The following RABGAP1L variants were observed in gnomAD, a reference collection of about 807,000 sequenced individuals.
The protein encoded by RABGAP1L is RAB GTPase activating protein 1 like.
In RABGAP1L, 63 loss-of-function variants were observed where a neutral mutation model predicts 137.7. The observed-to-expected ratio is 0.46, with a 90% CI of 0.37 to 0.56. The LOEUF (loss-of-function observed/expected upper bound fraction) is 0.56. RABGAP1L is among the 20% of genes least tolerant of loss of function. The pLI, the probability that RABGAP1L is intolerant of heterozygous loss-of-function variation, is 0.00. For synonymous variants in RABGAP1L, 431 were observed against 433.7 expected, an observed-to-expected ratio of 0.99 and a Z score of 0.08; for missense variants, 1,095 against 1,244.0, an observed-to-expected ratio of 0.88 and a Z score of 1.80.
At chr1:174,483,134 A>G (rs1459261740) in intron 13 of RABGAP1L, among the ~76,000 whole-genome samples, 1 of 152,198 alleles carries the variant, frequency 6.6e-6, no homozygotes, top group Non-Finnish European at 1.5e-5. Context: ...ATTTCAAACA[A>G]TATAATTATA....
At chr1:174,257,669 G>C (rs1258453024) in intron 7 of RABGAP1L, among the ~76,000 whole-genome samples, 1 of 152,080 alleles carries the variant, frequency 6.6e-6, no homozygotes, top group Non-Finnish European at 1.5e-5. Context: ...TGCCTGAGTT[G>C]AGAGAAAATG....
chr1:174,231,662 G>T (rs1670664838), intron 4 of RABGAP1L, among the ~76,000 whole-genome samples: 1 of 152,168 alleles, frequency 6.6e-6, no homozygotes, highest in Admixed American at 6.5e-5. Flanking sequence ...TCAGCTTCTG[G>T]GAGGGAGGCC....
intron 13 of RABGAP1L, among the ~76,000 whole-genome samples, chr1:174,611,342 G>T (rs986170034): frequency 1.3e-5 from 2 of 152,042 alleles, no homozygotes; most frequent in African/African-American, 4.8e-5. Flanking sequence ...TTTTTCTCAG[G>T]TTTGTCAAAA....
intron 13 of RABGAP1L, among the ~76,000 whole-genome samples, chr1:174,415,748 C>T (rs1650476177): frequency 1.3e-5 from 2 of 151,862 alleles, no homozygotes; most frequent in Non-Finnish European, 2.9e-5. Flanking sequence ...AGTAAGGCTC[C>T]ATTTCTTCAT....
chr1:174,928,713 G>T (rs1349174795), intron 19 of RABGAP1L, among the ~76,000 whole-genome samples: 1 of 151,878 alleles, frequency 6.6e-6, no homozygotes, highest in Non-Finnish European at 1.5e-5. Flanking sequence ...TTATGAAGAA[G>T]CTTTTTCTAT....
At chr1:174,481,942 G>C (rs1227197575) in intron 13 of RABGAP1L, among the ~76,000 whole-genome samples, 1 of 151,442 alleles carries the variant, frequency 6.6e-6, no homozygotes, top group Admixed American at 6.6e-5. Context: ...AGGTTACAGG[G>C]CAAAGTCAAA....
At chr1:174,492,720 C>T (rs1660377679) in intron 13 of RABGAP1L, among the ~76,000 whole-genome samples, 1 of 152,056 alleles carries the variant, frequency 6.6e-6, no homozygotes, top group Admixed American at 6.6e-5. Flanking sequence ...TGTCCCTATT[C>T]CTCCTCTCTT....
chr1:174,832,680 C>A (rs1413082004), intron 19 of RABGAP1L, among the ~76,000 whole-genome samples: 3 of 120,858 alleles, frequency 2.5e-5, no homozygotes, highest in African/African-American at 8.6e-5. Flanking sequence ...GTGGGCACAC[C>A]CACAGCCACT....
At chr1:174,163,519 G>A (rs1403734381) in intron 1 of RABGAP1L, among the ~76,000 whole-genome samples, 1 of 151,438 alleles carries the variant, frequency 6.6e-6, no homozygotes, top group Non-Finnish European at 1.5e-5. Context: ...AGTTAGATTT[G>A]GGCTAAGATT....
chr1:174,539,596 T>C (rs1030431617), intron 13 of RABGAP1L, among the ~76,000 whole-genome samples: 1 of 152,186 alleles, frequency 6.6e-6, no homozygotes, highest in Non-Finnish European at 1.5e-5. Flanking sequence ...TCCAGCTTCA[T>C]CCATGTACCC....
intron 13 of RABGAP1L, among the ~76,000 whole-genome samples, chr1:174,609,327 A>G (rs1478244231): frequency 6.6e-6 from 1 of 152,194 alleles, no homozygotes; most frequent in Non-Finnish European, 1.5e-5. Flanking sequence ...GTTTCTTAAC[A>G]GCAGTTGCAT....
intron 13 of RABGAP1L, among the ~76,000 whole-genome samples, chr1:174,519,073 C>G (rs1377435426): frequency 6.6e-6 from 1 of 151,322 alleles, no homozygotes; most frequent in East Asian, 1.9e-4. Flanking sequence ...CCTAGAAAGA[C>G]AGAACTAATA....
intron 14 of RABGAP1L, among the ~76,000 whole-genome samples, chr1:174,648,365 C>A (rs1675169386): frequency 6.6e-6 from 1 of 152,120 alleles, no homozygotes; most frequent in African/African-American, 2.4e-5. Context: ...TTTCTCTAAA[C>A]ACGCTTTAAC....
intron 13 of RABGAP1L, among the ~76,000 whole-genome samples, chr1:174,479,510 A>G (rs751386770): frequency 7.2e-5 from 11 of 152,174 alleles, no homozygotes; most frequent in Non-Finnish European, 1.5e-4. Context: ...CTGATACTTT[A>G]AAGTTTGGAA....
chr1:174,413,047 A>G (rs567218632), intron 13 of RABGAP1L, among the ~76,000 whole-genome samples: 2 of 152,132 alleles, frequency 1.3e-5, no homozygotes, highest in African/African-American at 2.4e-5. Context: ...TATTCACTCA[A>G]ATATGTTTTT....
chr1:174,992,025 G>A lies in RABGAP1L; in HGVS notation c.*2024G>A, dbSNP rs1387430148. On this transcript the variant is annotated 3_prime_UTR_variant, in exon 26 of 26. Transcript: ENST00000681986. ...AAGTACATTCCACAGAATGCCTAAA[G>A]TGTGTAATTTTCTTTAAATAATAGT... The A allele has an allele frequency of 2.6e-5, 4 of 152,188 alleles. No homozygotes were observed. The highest frequency in any genetic ancestry group is 4.8e-5 in the African/African-American group (2 of 41,448). 9.4% of individuals were successfully genotyped at this position (152,188 alleles called of 1,614,324 possible).
chr1:174,449,321 G>C (rs1655163905), intron 13 of RABGAP1L: 4 of 807,670 alleles, frequency 5.0e-6, no homozygotes, highest in Non-Finnish European at 7.8e-6. Context: ...TGAAGTATGA[G>C]ACTAAAGGTT....
chr1:174,845,890 GC>G (rs1269533838), intron 19 of RABGAP1L, among the ~76,000 whole-genome samples: 1 of 139,478 alleles, frequency 7.2e-6, no homozygotes, highest in Non-Finnish European at 1.5e-5. Context: ...ACTGATTATT[GC>G]CACAATTTCA....
chr1:174,734,228 A>G (rs1052123765), intron 17 of RABGAP1L, among the ~76,000 whole-genome samples: 1 of 152,110 alleles, frequency 6.6e-6, no homozygotes, highest in Admixed American at 6.5e-5. Flanking sequence ...TGAGGCTAAA[A>G]CGTTGATTTG....
Sources: gnomAD v4.1 joint callset for allele counts (sites outside exome capture counted in the v4.1 genomes callset) on GRCh38, gnomAD v4.1.1 for gene constraint, MANE v1.5 for transcripts, NCBI Gene and HGNC (gene_info 2026-07-23, HGNC 2026-07-21) for gene names.